SYNE1: variants seen among roughly 807,000 people sequenced by gnomAD.
SYNE1 encodes spectrin repeat containing nuclear envelope protein 1, also known as nesprin-1.
Under a neutral mutation model 1,111.0 loss-of-function variants are expected in SYNE1, and 616 were observed. The observed-to-expected ratio is 0.55, with a 90% confidence interval of 0.52 to 0.59. The LOEUF (loss-of-function observed/expected upper bound fraction) is 0.59. Among genes scored for constraint, SYNE1 ranks in the 20% least tolerant of loss-of-function variants. SYNE1 has a pLI of 0.00. For missense variants in SYNE1, 10,006 were observed against 10,417.0 expected (o/e 0.96, Z 1.72); for synonymous variants, 3,855 against 3,825.8 (o/e 1.01, Z -0.28).
intron 145 of SYNE1, chr6:152,125,148 C>G: frequency 1.0e-5 from 12 of 1,201,906 alleles, no homozygotes; most frequent in Non-Finnish European, 1.3e-5. Flanking sequence ...AAGGAAGAGG[C>G]CTAGCAGGGA....
Position 152,122,681 on chromosome 6 carries a change from G to A in SYNE1, c.26154-5C>T. 6.2e-7 allele frequency: 1 copy of A among 1,613,794 alleles called. No individual in the cohort carries two copies. The highest frequency in any genetic ancestry group is 8.5e-7 in the Non-Finnish European group (1 of 1,179,894). Reference sequence around the variant, plus strand: ...TCGGAGCCACCTTTTGTGGACCTGAGAGAAGAATGGACATAAATTACTCAG... The same window carrying A: ...TCGGAGCCACCTTTTGTGGACCTGAAAGAAGAATGGACATAAATTACTCAG... On this transcript the variant is annotated splice_polypyrimidine_tract_variant and splice_region_variant and intron_variant, in intron 145 of 145. Coordinates refer to ENST00000367255, the MANE Select transcript of SYNE1 (RefSeq NM_182961.4).
intron 10 of SYNE1, among the ~76,000 whole-genome samples, chr6:152,501,514 C>A (rs2099029852): frequency 6.6e-6 from 1 of 152,118 alleles, no homozygotes; most frequent in South Asian, 2.1e-4. Flanking sequence ...GCAGGCAGAT[C>A]ACTTGAGGTC....
chr6:152,446,903 A>T (rs2098597470), intron 29 of SYNE1, among the ~76,000 whole-genome samples: 1 of 152,212 alleles, frequency 6.6e-6, no homozygotes, highest in African/African-American at 2.4e-5. Context: ...TGAATATTTT[A>T]TTATTACTAA....
rs200493477 is a variant in SYNE1, at chr6:152,468,770, CTTTATT to C, written c.1633-2698_1633-2693del. 5.9e-4 allele frequency among the ~76,000 whole-genome samples: 90 copies of C among 151,972 alleles called. 1 individual carries two copies. In the East Asian group the frequency reaches 0.016, roughly 26 times the overall value. ...TAGAAGCATGTAGCTTATTATAATACTTTATTTTTATTTTTATTTTTTTGAAATAGG... is the reference window on the plus strand; with the variant it reads ...TAGAAGCATGTAGCTTATTATAATACTTTATTTTTATTTTTTTGAAATAGG... On this transcript the variant is annotated intron_variant, in intron 16 of 145. Transcript: ENST00000367255.
intron 3 of SYNE1, among the ~76,000 whole-genome samples, chr6:152,586,964 A>C (rs12527375): frequency 0.022 from 3,316 of 152,256 alleles, 127 homozygotes; most frequent in African/African-American, 0.075. Context: ...TCAGAAAGAA[A>C]ATCGGTCTGT....
At position 152,293,962 on chromosome 6, in the gene SYNE1, C is replaced by G. The variant is rs200589166; in HGVS notation, c.17848G>C (p.Val5950Leu). Residue 5950 changes from valine to leucine, a missense_variant and splice_region_variant, in exon 94 of 146, where the codon GTG (valine) becomes CTG (leucine). By Grantham distance (32) the Val-to-Leu change is conservative. This residue lies in a region of SYNE1 where 4,955 missense variants were observed against 5,017.2 expected (regional missense o/e 0.99). Transcript: ENST00000367255. The part of the protein sequence containing the change: ...LQRSWETLKN[V>L]ISEKQRTLYE... ...ACTAGTCCACCTTGAAGACTTACCA[C>G]ATTCTTTAAGGTTTCCCAAGAACGC... 136 of 1,614,006 alleles carry G rather than the reference C, an allele frequency of 8.4e-5. No individual in the cohort carries two copies. The highest frequency in any genetic ancestry group is 1.1e-4 in the Non-Finnish European group (127 of 1,180,036).
intron 87 of SYNE1, among the ~76,000 whole-genome samples, chr6:152,311,920 C>T (rs1304906685): frequency 1.3e-5 from 2 of 152,132 alleles, no homozygotes; most frequent in Non-Finnish European, 2.9e-5. Context: ...GGACTACACG[C>T]ACCCAGGTGC....
chr6:152,204,194 A>G (rs552997546), intron 126 of SYNE1, among the ~76,000 whole-genome samples: 16 of 152,014 alleles, frequency 1.1e-4, no homozygotes, highest in African/African-American at 3.6e-4. Flanking sequence ...GTGAAAACCC[A>G]TCTCTACTAA....
intron 126 of SYNE1, among the ~76,000 whole-genome samples, chr6:152,205,255 T>C (rs1445740189): frequency 1.3e-5 from 2 of 152,180 alleles, no homozygotes; most frequent in African/African-American, 4.8e-5. Flanking sequence ...TTGGTGATTA[T>C]CAACATATAC....
At chr6:152,605,160 G>A (rs986979816) in intron 3 of SYNE1, among the ~76,000 whole-genome samples, 3 of 148,236 alleles carry the variant, frequency 2.0e-5, no homozygotes, top group Non-Finnish European at 4.5e-5. Flanking sequence ...AATGGTTAAT[G>A]CCATTAATAG....
intron 105 of SYNE1, among the ~76,000 whole-genome samples, chr6:152,245,701 C>T (rs1395172313): frequency 6.6e-6 from 1 of 152,108 alleles, no homozygotes; most frequent in Admixed American, 6.5e-5. Flanking sequence ...AGGATCTCCA[C>T]CACCCACTTC....
At position 152,122,452 on chromosome 6, in the gene SYNE1, C is replaced by T. The variant is rs1208289394; in HGVS notation, c.26378G>A (p.Gly8793Asp). The T allele has an allele frequency of 6.2e-7, 1 of 1,614,114 alleles. No homozygotes were observed. Among genetic ancestry groups the T allele is most frequent in the Non-Finnish European group, 8.5e-7 (1 of 1,180,036 alleles). The part of the protein sequence containing the change: ...SFHPMLRYTN[G>D]PPPL ...CTGCTTAGTTCAGAGTGGAGGAGGG[C>T]CATTCGTGTATCTGAGCATGGGGTG... is the stretch of plus-strand genomic sequence containing the variant. Residue 8793 changes from glycine (G) to aspartate (D), a missense_variant, in exon 146 of 146, where the codon GGC (glycine) becomes GAC (aspartate). Transcript: ENST00000367255.
In SYNE1 at chr6:152,337,866, G is replaced by A. The variant is rs76488919; in HGVS notation, c.12352-849C>T. On this transcript the variant is annotated intron_variant, in intron 75 of 145. Coordinates refer to ENST00000367255, the MANE Select transcript of SYNE1 (RefSeq NM_182961.4). Reference sequence around the variant, plus strand: ...TCTGTAAAAATAAATGGGTTACATTGGCTGGGAATGGTGGCTCGTGTCTGT... The same window carrying A: ...TCTGTAAAAATAAATGGGTTACATTAGCTGGGAATGGTGGCTCGTGTCTGT... 5.6e-4 allele frequency among the ~76,000 whole-genome samples: 85 copies of A among 152,276 alleles called. 1 individual carries two copies. The East Asian group carries it at 0.014, about 25-fold the overall frequency.
chr6:152,275,789 G>C (rs961018692), intron 98 of SYNE1, among the ~76,000 whole-genome samples: 6 of 151,176 alleles, frequency 4.0e-5, no homozygotes, highest in Non-Finnish European at 7.4e-5. Flanking sequence ...GCTGAGGTGG[G>C]AGCATTACTT....
In SYNE1 at chr6:152,293,688, G is replaced by C. The variant is rs753835774; in HGVS notation, c.17912C>G (p.Ser5971Cys). The change falls in exon 95 of 146, where the codon TCC becomes TGC. Residue 5971 changes from serine (S) to cysteine (C), a missense_variant. By Grantham distance (112) the Ser-to-Cys change is moderately radical. Coordinates refer to ENST00000367255, the MANE Select transcript of SYNE1 (RefSeq NM_182961.4). ...ALERQQKYQDSLQSISTKMEA... is the reference protein window; with the variant it reads ...ALERQQKYQDCLQSISTKMEA... ...CATCTTCGTAGAGATGGACTGGAGGGAGTCCTGGTACTTCTGCTGGCGTTC... is the reference window on the plus strand; with the variant it reads ...CATCTTCGTAGAGATGGACTGGAGGCAGTCCTGGTACTTCTGCTGGCGTTC... The C allele has an allele frequency of 3.7e-6, 6 of 1,614,158 alleles. No individual in the cohort carries two copies. The South Asian group carries it at 6.6e-5, about 18-fold the overall frequency.
chr6:152,167,782 G>GTCTTTT, intron 130 of SYNE1: 1 of 568,436 alleles, frequency 1.8e-6, no homozygotes, highest in African/African-American at 1.9e-5. Context: ...GACTAACTGA[G>GTCTTTT]TCTTTTTCTG....
intron 21 of SYNE1, 37 bp from the exon 22 acceptor site, chr6:152,458,967 C>T: frequency 6.3e-7 from 1 of 1,591,662 alleles, no homozygotes; most frequent in Non-Finnish European, 8.6e-7. Flanking sequence ...CATGAAAGAC[C>T]ATTAAGTGCC....
intron 130 of SYNE1, among the ~76,000 whole-genome samples, chr6:152,174,546 T>C (rs774051274): frequency 1.3e-5 from 2 of 152,216 alleles, no homozygotes; most frequent in Non-Finnish European, 2.9e-5. Context: ...GTAAGTACTT[T>C]ACAAAGAACT....
At chr6:152,250,176 A>T (rs1006860165) in intron 104 of SYNE1, among the ~76,000 whole-genome samples, 1 of 151,938 alleles carries the variant, frequency 6.6e-6, no homozygotes, top group African/African-American at 2.4e-5. Flanking sequence ...AAGTGGAAGG[A>T]TCCCTTGAGT....
Sources: gnomAD v4.1 joint callset for allele counts (sites outside exome capture counted in the v4.1 genomes callset) on GRCh38, gnomAD v4.1.1 for gene constraint, gnomAD v4.1.1 regional missense constraint, MANE v1.5 for transcripts, NCBI Gene and HGNC (gene_info 2026-07-23, HGNC 2026-07-21) for gene names.